ANGPT2: variants seen among roughly 807,000 people sequenced by gnomAD.
ANGPT2 encodes angiopoietin-2.
A neutral mutation model predicts 62.9 loss-of-function variants in ANGPT2; 28 were observed. That is an observed-to-expected ratio of 0.44 (90% CI 0.33 to 0.61). The LOEUF (loss-of-function observed/expected upper bound fraction) is 0.61, where lower values mean the gene tolerates loss of function less well. Among genes scored for constraint, ANGPT2 ranks in the 20% least tolerant of loss-of-function variants. The probability of loss-of-function intolerance (pLI) is 0.03; values close to 1 mark genes in which losing one functional copy is unlikely to be tolerated. For missense variants in ANGPT2, 727 were observed against 594.9 expected, an observed-to-expected ratio of 1.22 and a Z score of -2.31; for synonymous variants, 284 against 207.8, an observed-to-expected ratio of 1.37 and a Z score of -3.15.
intron 8 of ANGPT2, among the ~76,000 whole-genome samples, chr8:6,507,127 A>T (rs1014435017): frequency 6.6e-6 from 1 of 152,114 alleles, no homozygotes; most frequent in Non-Finnish European, 1.5e-5. Context: ...CAAACTCCTG[A>T]CCTCAGGTGA....
In ANGPT2 at chr8:6,513,576, G is replaced by A. The variant is rs1293810440; in HGVS notation, c.1196+102C>T. On this transcript the variant is annotated intron_variant, in intron 7 of 8. Transcript: ENST00000629816. ...TCTCAATCTCCTGACCTCGTGATCT[G>A]CCCACCTCGGCCTCCCAAAGTGCTG... is the stretch of plus-strand genomic sequence containing the variant. 1.3e-5 allele frequency: 11 copies of A among 829,002 alleles called. No individual in the cohort carries two copies. The South Asian group carries it at 1.4e-4, about 10-fold the overall frequency. The allele number at this position is 829,002 out of a possible 1,614,324, so 51.4% of individuals were successfully genotyped here.
intron 3 of ANGPT2, among the ~76,000 whole-genome samples, chr8:6,522,725 G>C (rs1817597780): frequency 6.6e-6 from 1 of 151,056 alleles, no homozygotes; most frequent in African/African-American, 2.4e-5. Flanking sequence ...AGTGAGCTGA[G>C]ATTATGCCAT....
chr8:6,503,129 G>T lies in ANGPT2; in HGVS notation c.1460C>A (p.Thr487Asn). The change falls in exon 9 of 9, where the codon ACC becomes AAC. Residue 487 changes from threonine (T) to asparagine (N), a missense_variant. Thr to Asn is a moderately conservative substitution (Grantham distance 65, BLOSUM62 0). Coordinates refer to ENST00000629816, the MANE Select transcript of ANGPT2 (RefSeq NM_001118887.2). The stretch of plus-strand genomic sequence containing the variant: ...GAAATCTGCTGGTCGGATCATCATG[G>T]TTGTGGCCTTGAGCGAATAGCCTGA... ...KGSGYSLKAT[T>N]MMIRPADF 1 of 1,614,200 alleles carries T rather than the reference G, an allele frequency of 6.2e-7. No homozygotes were observed. Among genetic ancestry groups the T allele is most frequent in the Non-Finnish European group, 8.5e-7 (1 of 1,180,042 alleles).
intron 5 of ANGPT2, among the ~76,000 whole-genome samples, chr8:6,516,609 A>G (rs960613445): frequency 6.6e-6 from 1 of 152,174 alleles, no homozygotes; most frequent in Non-Finnish European, 1.5e-5. Flanking sequence ...ACTTCTATCA[A>G]TATTTCTTTT....
intron 1 of ANGPT2, among the ~76,000 whole-genome samples, chr8:6,548,280 G>A (rs73664544): frequency 6.6e-6 from 1 of 152,156 alleles, no homozygotes. Context: ...CAGGTGGTGT[G>A]TGTAGACCTG....
At chr8:6,531,407 G>A (rs1819488120) in intron 2 of ANGPT2, among the ~76,000 whole-genome samples, 1 of 151,380 alleles carries the variant, frequency 6.6e-6, no homozygotes, top group Admixed American at 6.6e-5. Context: ...TCCTGCCTCA[G>A]CCTCCCAAGT....
At chr8:6,506,489 C>T (rs1300219684) in intron 8 of ANGPT2, among the ~76,000 whole-genome samples, 2 of 152,154 alleles carry the variant, frequency 1.3e-5, no homozygotes, top group Non-Finnish European at 2.9e-5. Flanking sequence ...CTGAGAAGCT[C>T]AGCACATACG....
At chr8:6,539,690 G>A (rs1464154403) in intron 1 of ANGPT2, among the ~76,000 whole-genome samples, 1 of 152,094 alleles carries the variant, frequency 6.6e-6, no homozygotes, top group East Asian at 1.9e-4. Context: ...TGGTTCAAAC[G>A]ATTCTCCCGC....
intron 1 of ANGPT2, among the ~76,000 whole-genome samples, chr8:6,540,828 G>A (rs541446096): frequency 7.9e-5 from 12 of 152,366 alleles, no homozygotes; most frequent in East Asian, 1.9e-4. Context: ...AGGCAGGGGC[G>A]CCGCAGGGTG....
intron 5 of ANGPT2, among the ~76,000 whole-genome samples, chr8:6,519,298 T>C (rs151108107): frequency 6.6e-6 from 1 of 152,296 alleles, no homozygotes; most frequent in East Asian, 1.9e-4. Context: ...TGTGGCACTG[T>C]GTTAGCGTTT....
rs1811869299 is a variant in ANGPT2 at position 6,500,162 on chromosome 8, G to A, written c.*2939C>T. On this transcript the variant is annotated 3_prime_UTR_variant, in exon 9 of 9. Coordinates refer to ENST00000629816, the MANE Select transcript of ANGPT2 (RefSeq NM_001118887.2). ...GAATGCAGTCCAAAGAAAATTTGAC[G>A]ATTAACATCCTCAGAACTGAGAAAA... 7 of 527,186 alleles carry A rather than the reference G, an allele frequency of 1.3e-5. No individual in the cohort carries two copies. The highest frequency in any genetic ancestry group is 6.3e-5 in the South Asian group (3 of 47,836). The allele number at this position is 527,186 out of a possible 1,614,324, so 32.7% of individuals were successfully genotyped here. A position where few individuals can be genotyped will look rare whatever the true frequency, so the allele number is the denominator to read the frequency against.
intron 7 of ANGPT2, among the ~76,000 whole-genome samples, chr8:6,510,317 C>G (rs6559166): frequency 0.068 from 10,375 of 152,140 alleles, 449 homozygotes; most frequent in African/African-American, 0.12. Flanking sequence ...AACAGGCACA[C>G]GAAGACCCAG....
At position 6,513,697 on chromosome 8, in the gene ANGPT2, T is replaced by G; in HGVS notation, c.1177A>C (p.Ser393Arg). The G allele has an allele frequency of 1.9e-6, 3 of 1,611,626 alleles. No homozygotes were observed. The highest frequency in any genetic ancestry group is 2.5e-6 in the Non-Finnish European group (3 of 1,179,390). The change falls in exon 7 of 9, where the codon AGT (serine) becomes CGT (arginine). Residue 393 changes from serine to arginine, a missense_variant. Ser to Arg is a moderately radical substitution (Grantham distance 110, BLOSUM62 -1). Transcript: ENST00000629816. ...YSLYEHFYLSSEELNYRIHLK... is the reference protein window; with the variant it reads ...YSLYEHFYLSREELNYRIHLK... ...ACTTACCTATAATTGAGTTCTTCAC[T>G]TGAGAGATAGAAATGTTCATACAAT...
intron 1 of ANGPT2, among the ~76,000 whole-genome samples, chr8:6,540,195 T>C (rs1463049652): frequency 1.3e-5 from 2 of 152,218 alleles, no homozygotes; most frequent in Non-Finnish European, 2.9e-5. Flanking sequence ...TTTTCACATA[T>C]ATTTGAATAT....
chr8:6,499,862 C>G lies in ANGPT2; in HGVS notation c.*3239G>C, dbSNP rs781720931. 4.3e-6 allele frequency: 7 copies of G among 1,613,046 alleles called. No individual in the cohort carries two copies. The highest frequency in any genetic ancestry group is 5.9e-6 in the Non-Finnish European group (7 of 1,179,966). ...TTGTGTCACTTGCAGGTGCTATGGT[C>G]TTTAGAATTGGGTCACTGGATTTCT... On this transcript the variant is annotated 3_prime_UTR_variant, in exon 9 of 9. Transcript: ENST00000629816.
intron 2 of ANGPT2, among the ~76,000 whole-genome samples, chr8:6,529,190 C>T (rs1015348697): frequency 3.9e-5 from 6 of 152,166 alleles, no homozygotes; most frequent in South Asian, 2.1e-4. Flanking sequence ...TGAAGGCGTC[C>T]ATCTGCAGGG....
rs750637334 is a variant in ANGPT2 at position 6,539,994 on chromosome 8, C to G, written c.289-7507G>C. ...AAGTTCACTTTTGGCCACTATATAA[C>G]TCCAAGATGTATTAGGAAATAAGTT... On this transcript the variant is annotated intron_variant, in intron 1 of 8. Coordinates refer to ENST00000629816, the MANE Select transcript of ANGPT2 (RefSeq NM_001118887.2). Among the ~76,000 whole-genome samples, 10 of 152,182 alleles carry G rather than the reference C, an allele frequency of 6.6e-5. 1 individual carries two copies. The highest frequency in any genetic ancestry group is 1.5e-4 in the Non-Finnish European group (10 of 68,042).
intron 1 of ANGPT2, among the ~76,000 whole-genome samples, chr8:6,558,369 T>C (rs1223937349): frequency 6.6e-6 from 1 of 152,262 alleles, no homozygotes; most frequent in African/African-American, 2.4e-5. Flanking sequence ...ATTTTTGTTT[T>C]ATTTTTTAAA....
At chr8:6,542,414 T>C (rs1821775076) in intron 1 of ANGPT2, among the ~76,000 whole-genome samples, 1 of 152,038 alleles carries the variant, frequency 6.6e-6, no homozygotes, top group Admixed American at 6.6e-5. Flanking sequence ...AAATAGACAT[T>C]CCAAAGCTTG....
Sources: allele counts gnomAD v4.1 joint callset (sites outside exome capture counted in the v4.1 genomes callset), GRCh38; gene constraint gnomAD v4.1.1; transcripts MANE v1.5; gene names NCBI Gene and HGNC (gene_info 2026-07-23, HGNC 2026-07-21).